Variants in CDH4 observed in about 807,000 individuals in gnomAD.
The protein encoded by CDH4 is cadherin 4.
In CDH4, 33 loss-of-function variants were observed where a neutral mutation model predicts 86.0. The observed-to-expected ratio is 0.38, with a 90% CI of 0.29 to 0.51. The LOEUF (loss-of-function observed/expected upper bound fraction) is 0.51, where lower values mean the gene tolerates loss of function less well. Among genes scored for constraint, CDH4 ranks in the 20% least tolerant of loss-of-function variants. CDH4 has a pLI of 0.86. For synonymous variants in CDH4, 555 were observed against 549.4 expected (o/e 1.01, Z -0.14); for missense variants, 1,114 against 1,307.4 (o/e 0.85, Z 2.28).
intron 13 of CDH4, 131 bp from the exon 14 acceptor site, chr20:61,932,854 A>C (rs779487416): frequency 1.6e-5 from 19 of 1,210,500 alleles, no homozygotes; most frequent in Non-Finnish European, 2.0e-5. Flanking sequence ...ACAGGTGTGC[A>C]TGCACACATG....
intron 13 of CDH4, 74 bp downstream of exon 13, chr20:61,929,916 GA>G: frequency 8.1e-7 from 1 of 1,238,276 alleles, no homozygotes; most frequent in East Asian, 2.3e-5. Context: ...ATGGTGGGCA[GA>G]GGGGGGCCTG....
chr20:61,835,860 G>A (rs1342230450), intron 4 of CDH4, among the ~76,000 whole-genome samples: 3 of 152,154 alleles, frequency 2.0e-5, no homozygotes, highest in South Asian at 2.1e-4. Context: ...CTGTCCTGCC[G>A]GGCACTGTGT....
chr20:61,477,351 G>A (rs530187617), intron 2 of CDH4, among the ~76,000 whole-genome samples: 1 of 152,328 alleles, frequency 6.6e-6, no homozygotes, highest in South Asian at 2.1e-4. Context: ...GCGTGGAAAC[G>A]AGTGAGGAAT....
chr20:61,514,220 G>A (rs928638458), intron 2 of CDH4, among the ~76,000 whole-genome samples: 14 of 152,100 alleles, frequency 9.2e-5, no homozygotes, highest in African/African-American at 2.2e-4. Flanking sequence ...GAATGCTAAG[G>A]TCTGGCTGCT....
chr20:61,484,167 G>A (rs1181517384), intron 2 of CDH4, among the ~76,000 whole-genome samples: 1 of 152,052 alleles, frequency 6.6e-6, no homozygotes, highest in East Asian at 1.9e-4. Context: ...CCATACCTGA[G>A]GTCCCAACAC....
At chr20:61,613,983 G>A (rs1215089064) in intron 2 of CDH4, among the ~76,000 whole-genome samples, 1 of 152,150 alleles carries the variant, frequency 6.6e-6, no homozygotes, top group African/African-American at 2.4e-5. Context: ...CTAAGTCTCT[G>A]GTGCAGATGT....
At chr20:61,585,997 A>ATGTGATGATGATGGTGATGGTGATTG (rs1555811241) in intron 2 of CDH4, among the ~76,000 whole-genome samples, 6 of 136,814 alleles carry the variant, frequency 4.4e-5, no homozygotes, top group Non-Finnish European at 7.7e-5. Context: ...GGTGATGATG[A>ATGTGATGATGATGGTGATGGTGATTG]TGATGGTGAT....
At chr20:61,655,880 T>A (rs1300113015) in intron 2 of CDH4, among the ~76,000 whole-genome samples, 1 of 152,160 alleles carries the variant, frequency 6.6e-6, no homozygotes, top group Admixed American at 6.5e-5. Flanking sequence ...GTGTGGCTAA[T>A]AGAGAGCAGC....
At chr20:61,566,314 C>A (rs2249274) in intron 2 of CDH4, among the ~76,000 whole-genome samples, 104,287 of 152,050 alleles carry the variant, frequency 0.69, 36,705 homozygotes, top group East Asian at 0.79. Context: ...TTTGGTTCTT[C>A]CAAAGGTTTT....
At chr20:61,312,679 C>T (rs1056135132) in intron 2 of CDH4, among the ~76,000 whole-genome samples, 6 of 152,196 alleles carry the variant, frequency 3.9e-5, no homozygotes, top group African/African-American at 1.4e-4. Context: ...CAGCGTTCTC[C>T]TTCCTCTTTG....
intron 2 of CDH4, among the ~76,000 whole-genome samples, chr20:61,429,826 G>A (rs777842073): frequency 2.0e-5 from 3 of 152,112 alleles, no homozygotes; most frequent in Non-Finnish European, 4.4e-5. Flanking sequence ...TGGGTGGATG[G>A]ATGAGTGAAT....
intron 2 of CDH4, among the ~76,000 whole-genome samples, chr20:61,440,124 A>G (rs1019028175): frequency 6.6e-6 from 1 of 152,244 alleles, no homozygotes; most frequent in African/African-American, 2.4e-5. Flanking sequence ...TGCCTGCGCT[A>G]TCTTCATCAT....
At chr20:61,847,217 A>G (rs1175323528) in intron 5 of CDH4, among the ~76,000 whole-genome samples, 3 of 152,132 alleles carry the variant, frequency 2.0e-5, no homozygotes, top group Non-Finnish European at 4.4e-5. Flanking sequence ...GGGCTCAGCT[A>G]CCTCTGCACA....
intron 2 of CDH4, among the ~76,000 whole-genome samples, chr20:61,664,605 C>T (rs1600853613): frequency 1.3e-5 from 2 of 152,208 alleles, no homozygotes; most frequent in East Asian, 3.9e-4. Context: ...GGTCTTGCCC[C>T]CAAGACCCTC....
Position 61,853,866 on chromosome 20 carries a change from G to A in CDH4, c.877+968G>A, listed in dbSNP as rs184491805. ...TCCTCTTTGGGACAAACCTTTGCCC[G>A]GCTTGGGTTGGGTCGGGGGAGGTGA... On this transcript the variant is annotated intron_variant, in intron 6 of 15. Transcript: ENST00000614565. Among the ~76,000 whole-genome samples, 103 of 152,288 alleles carry A rather than the reference G, an allele frequency of 6.8e-4. 1 individual carries two copies. The highest frequency in any genetic ancestry group is 1.7e-3 in the African/African-American group (69 of 41,554).
chr20:61,715,898 C>T (rs1353893366), intron 2 of CDH4, among the ~76,000 whole-genome samples: 2 of 152,216 alleles, frequency 1.3e-5, no homozygotes, highest in African/African-American at 4.8e-5. Context: ...GATTGGAGAG[C>T]CCCTGCGATT....
chr20:61,751,747 T>C (rs2088499400), intron 3 of CDH4, among the ~76,000 whole-genome samples: 1 of 152,212 alleles, frequency 6.6e-6, no homozygotes, highest in Non-Finnish European at 1.5e-5. Context: ...CCTAAAATAT[T>C]TACCATCTGG....
rs2085837680 is a variant in CDH4 at position 61,518,162 on chromosome 20, A to G, written c.170-225401A>G. On this transcript the variant is annotated intron_variant, in intron 2 of 15. Coordinates refer to ENST00000614565, the MANE Select transcript of CDH4 (RefSeq NM_001794.5). The surrounding 1 kb of genome is among the most constrained non-coding windows in gnomAD (Gnocchi z 6.3). The stretch of plus-strand genomic sequence containing the variant: ...ATTCTTCACTCACTGTGTCTGGGAC[A>G]CTAGGTGGGTGTTTATTCTGCCATC... Among the ~76,000 whole-genome samples the G allele has an allele frequency of 6.6e-6, 1 of 152,204 alleles. No homozygotes were observed. The highest frequency in any genetic ancestry group is 1.5e-5 in the Non-Finnish European group (1 of 68,032).
intron 2 of CDH4, among the ~76,000 whole-genome samples, chr20:61,628,186 G>A (rs949415283): frequency 6.6e-6 from 1 of 152,144 alleles, no homozygotes; most frequent in African/African-American, 2.4e-5. Context: ...ATTCACATGT[G>A]CGGTTTCCCC....
Sources: allele counts gnomAD v4.1 joint callset (sites outside exome capture counted in the v4.1 genomes callset), GRCh38; gene constraint gnomAD v4.1.1; non-coding constraint Gnocchi (gnomAD v3.1); transcripts MANE v1.5; gene names NCBI Gene and HGNC (gene_info 2026-07-23, HGNC 2026-07-21).